DYM: variants seen among roughly 807,000 people sequenced by gnomAD.
The protein encoded by DYM is dyggve-Melchior-Clausen syndrome protein.
A neutral mutation model predicts 93.1 loss-of-function variants in DYM; 78 were observed. The observed-to-expected ratio is 0.84, with a 90% confidence interval of 0.70 to 1.01. The LOEUF (loss-of-function observed/expected upper bound fraction) is 1.01. Among genes scored for constraint, DYM ranks in the 50% least tolerant of loss-of-function variants. DYM has a pLI of 0.00. For synonymous variants in DYM, 321 were observed against 319.7 expected (o/e 1.00, Z -0.04); for missense variants, 789 against 845.0 (o/e 0.93, Z 0.82).
chr18:49,374,436 G>A (rs1413564511), intron 5 of DYM, among the ~76,000 whole-genome samples: 1 of 152,184 alleles, frequency 6.6e-6, no homozygotes, highest in Non-Finnish European at 1.5e-5. Context: ...GACTGAGAAA[G>A]AGACAGAAAA....
chr18:49,311,810 G>T (rs1482030309), intron 8 of DYM, among the ~76,000 whole-genome samples: 1 of 151,510 alleles, frequency 6.6e-6, no homozygotes, highest in African/African-American at 2.4e-5. Flanking sequence ...CACCAACATG[G>T]CACATGTATA....
chr18:49,295,813 T>C (rs1439579862), intron 8 of DYM, among the ~76,000 whole-genome samples: 1 of 152,098 alleles, frequency 6.6e-6, no homozygotes, highest in African/African-American at 2.4e-5. Flanking sequence ...AAGATAATTG[T>C]AGATTTACAT....
intron 17 of DYM, among the ~76,000 whole-genome samples, chr18:49,053,365 C>T (rs2075195642): frequency 1.3e-5 from 2 of 152,148 alleles, no homozygotes; most frequent in South Asian, 4.1e-4. Context: ...TTCCCCCTTC[C>T]ACCTAAAGAT....
intron 14 of DYM, among the ~76,000 whole-genome samples, chr18:49,209,227 C>T (rs1434518416): frequency 6.6e-6 from 1 of 152,162 alleles, no homozygotes; most frequent in South Asian, 2.1e-4. Flanking sequence ...GAGTCTATTT[C>T]ATATAAAACA....
chr18:49,307,352 G>A (rs1413205453), intron 8 of DYM, among the ~76,000 whole-genome samples: 2 of 152,012 alleles, frequency 1.3e-5, no homozygotes, highest in African/African-American at 4.8e-5. Context: ...CCATGGTCCA[G>A]GATGGCTAAA....
At chr18:49,391,527 T>C (rs1196213901) in intron 3 of DYM, 66 bp downstream of exon 3, 1 of 1,428,282 alleles carries the variant, frequency 7.0e-7, no homozygotes, top group Non-Finnish European at 9.9e-7. Flanking sequence ...ATTCAGTTCA[T>C]ATTATACTAT....
At chr18:49,152,675 T>C (rs2085953752) in intron 15 of DYM, among the ~76,000 whole-genome samples, 1 of 152,228 alleles carries the variant, frequency 6.6e-6, no homozygotes, top group Non-Finnish European at 1.5e-5. Context: ...TGCACTTGCA[T>C]ATTCATTTCA....
chr18:49,088,281 T>G (rs919757060), intron 17 of DYM, among the ~76,000 whole-genome samples: 3 of 152,182 alleles, frequency 2.0e-5, no homozygotes, highest in Admixed American at 2.0e-4. Context: ...CATCTTGAAT[T>G]AATTTTTGTA....
chr18:49,455,871 C>T (rs937282579), intron 1 of DYM, among the ~76,000 whole-genome samples: 1 of 151,884 alleles, frequency 6.6e-6, no homozygotes, highest in African/African-American at 2.4e-5. Flanking sequence ...ATCACTTGAA[C>T]CTGGGAGGCA....
At position 49,213,296 on chromosome 18, in the gene DYM, C is replaced by CT. The variant is rs36072258; in HGVS notation, c.1461-3582dup. Among the ~76,000 whole-genome samples, 1,384 of 139,946 alleles carry CT rather than the reference C, an allele frequency of 9.9e-3. 2 individuals are homozygous for CT. Among genetic ancestry groups the CT allele is most frequent in the Non-Finnish European group, 0.013 (856 of 63,974 alleles). The allele number at this position is 139,946 out of a possible 152,430, so 91.8% of individuals were successfully genotyped here. A position where few individuals can be genotyped will look rare whatever the true frequency, so the allele number is the denominator to read the frequency against. On this transcript the variant is annotated intron_variant, in intron 13 of 17. Transcript: ENST00000675505. ...ACATTTCCATAGGAACTTTTTCTAA[C>CT]TTTTTTTTTTTTTTTTTGGAGATGG...
intron 14 of DYM, among the ~76,000 whole-genome samples, chr18:49,194,453 A>C (rs1283441289): frequency 3.3e-5 from 5 of 152,220 alleles, no homozygotes; most frequent in Non-Finnish European, 7.3e-5. Context: ...TTTGGATCAA[A>C]TATGAATTTC....
chr18:49,224,569 G>A (rs373221232), intron 13 of DYM, among the ~76,000 whole-genome samples: 1 of 152,048 alleles, frequency 6.6e-6, no homozygotes, highest in African/African-American at 2.4e-5. Context: ...GAGGTCATGA[G>A]GGTACAGCCT....
At chr18:49,196,226 C>T (rs376039719) in intron 14 of DYM, among the ~76,000 whole-genome samples, 1 of 152,100 alleles carries the variant, frequency 6.6e-6, no homozygotes. Context: ...GCACTGCACC[C>T]GGCCTTGAAT....
intron 15 of DYM, among the ~76,000 whole-genome samples, chr18:49,153,981 C>T (rs1195338717): frequency 3.9e-5 from 6 of 152,134 alleles, no homozygotes; most frequent in Non-Finnish European, 8.8e-5. Context: ...TCAAGGTAAA[C>T]CTCACCAGTA....
In DYM at chr18:49,090,558, C is replaced by T. The variant is rs150556540; in HGVS notation, c.2025+6844G>A. 4.9e-4 allele frequency among the ~76,000 whole-genome samples: 75 copies of T among 152,276 alleles called. No individual in the cohort carries two copies. The East Asian group carries it at 0.012, about 25-fold the overall frequency. On this transcript the variant is annotated intron_variant, in intron 17 of 17. Transcript: ENST00000675505. The stretch of plus-strand genomic sequence containing the variant: ...GGGCTGGTGGACGGTGTCAGGCACT[C>T]GGTCTCCTCGACTTTCTGTCAGGCC...
At chr18:49,166,844 C>T (rs1184446398) in intron 14 of DYM, among the ~76,000 whole-genome samples, 2 of 151,860 alleles carry the variant, frequency 1.3e-5, no homozygotes, top group Non-Finnish European at 2.9e-5. Flanking sequence ...ATAAATATGC[C>T]TGAAAGAAGT....
chr18:49,121,901 C>T (rs984560429), intron 15 of DYM, among the ~76,000 whole-genome samples: 4 of 152,012 alleles, frequency 2.6e-5, no homozygotes, highest in African/African-American at 9.7e-5. Context: ...CTGCACTATA[C>T]AAAATATTAA....
chr18:49,360,385 G>T (rs2065914693), intron 6 of DYM, among the ~76,000 whole-genome samples: 1 of 152,056 alleles, frequency 6.6e-6, no homozygotes, highest in African/African-American at 2.4e-5. Context: ...AGAACTTTGG[G>T]AGGCCGAGGC....
intron 1 of DYM, among the ~76,000 whole-genome samples, chr18:49,458,126 C>T (rs575600613): frequency 1.8e-4 from 28 of 152,266 alleles, no homozygotes; most frequent in African/African-American, 6.7e-4. Context: ...AAAACTGATA[C>T]ATAACATTAA....
Sources: allele counts gnomAD v4.1 joint callset (sites outside exome capture counted in the v4.1 genomes callset), GRCh38; gene constraint gnomAD v4.1.1; transcripts MANE v1.5; gene names NCBI Gene and HGNC (gene_info 2026-07-23, HGNC 2026-07-21).